LINGO2: variants seen among roughly 807,000 people sequenced by gnomAD.
LINGO2 encodes leucine rich repeat and Ig domain containing 2.
A neutral mutation model predicts 30.6 loss-of-function variants in LINGO2; 14 were observed. The observed-to-expected ratio is 0.46, with a 90% CI of 0.30 to 0.72. The LOEUF is 0.72. LINGO2 is among the 30% of genes least tolerant of loss of function. The pLI is 0.07. For missense variants in LINGO2, 729 were observed against 751.7 expected (o/e 0.97, Z 0.35); for synonymous variants, 317 against 288.5 (o/e 1.10, Z -1.00).
chr9:29,144,950 C>T, the LINGO2 span, among the ~76,000 whole-genome samples: 1 of 152,012 alleles, frequency 6.6e-6, no homozygotes, highest in Non-Finnish European at 1.5e-5. Context: ...TAAAAGAAGG[C>T]TTACCAAGTT....
intron 4 of LINGO2, among the ~76,000 whole-genome samples, chr9:28,210,005 C>G (rs1564046079): frequency 6.6e-6 from 1 of 151,716 alleles, no homozygotes; most frequent in African/African-American, 2.4e-5. Context: ...AATTAACATG[C>G]CCTAAAGCCA....
chr9:29,103,222 T>C, the LINGO2 span, among the ~76,000 whole-genome samples: 1 of 152,092 alleles, frequency 6.6e-6, no homozygotes, highest in Non-Finnish European at 1.5e-5. Context: ...AGAATTAGCT[T>C]ATAACTAACC....
the LINGO2 span, among the ~76,000 whole-genome samples, chr9:28,783,839 G>A: frequency 6.6e-6 from 1 of 152,160 alleles, no homozygotes; most frequent in African/African-American, 2.4e-5. Context: ...CACAGTTCAA[G>A]ATCAAGACAG....
chr9:28,641,263 C>G (rs746320366), intron 1 of LINGO2, among the ~76,000 whole-genome samples: 2 of 152,124 alleles, frequency 1.3e-5, no homozygotes, highest in South Asian at 4.1e-4. Context: ...GTCTCGATCT[C>G]CTGACCTCAT....
chr9:29,156,450 A>T, the LINGO2 span, among the ~76,000 whole-genome samples: 1 of 152,106 alleles, frequency 6.6e-6, no homozygotes, highest in Admixed American at 6.5e-5. Context: ...ATAAGATAAA[A>T]CAAATGGTTT....
At chr9:28,208,158 T>C (rs1042031247) in intron 4 of LINGO2, among the ~76,000 whole-genome samples, 1 of 152,126 alleles carries the variant, frequency 6.6e-6, no homozygotes, top group African/African-American at 2.4e-5. Context: ...ATTTTATAAA[T>C]ATATAATTGT....
At chr9:28,776,830 C>CTT in the LINGO2 span, among the ~76,000 whole-genome samples, 2 of 144,692 alleles carry the variant, frequency 1.4e-5, no homozygotes, top group Admixed American at 1.4e-4. Context: ...ACAGCTGCCT[C>CTT]TTTTTTTTTT....
At chr9:28,314,893 G>A (rs1369772074) in intron 3 of LINGO2, among the ~76,000 whole-genome samples, 3 of 149,184 alleles carry the variant, frequency 2.0e-5, no homozygotes, top group Admixed American at 6.7e-5. Flanking sequence ...GCTGAGGCAG[G>A]AGAATGGCGT....
the LINGO2 span, among the ~76,000 whole-genome samples, chr9:28,868,487 G>A: frequency 1.6e-3 from 240 of 152,126 alleles, no homozygotes; most frequent in Admixed American, 3.0e-3. Flanking sequence ...GATGCCTTTC[G>A]AAAGTGGCAT....
the LINGO2 span, among the ~76,000 whole-genome samples, chr9:29,068,768 C>A: frequency 1.6e-3 from 236 of 151,944 alleles, no homozygotes; most frequent in African/African-American, 5.5e-3. Flanking sequence ...ATTACATGGA[C>A]AGATGTTAAA....
At chr9:28,817,798 CAG>C in the LINGO2 span, among the ~76,000 whole-genome samples, 1 of 152,124 alleles carries the variant, frequency 6.6e-6, no homozygotes, top group East Asian at 1.9e-4. Flanking sequence ...AGCCTTATGC[CAG>C]ACATAATGAG....
chr9:28,396,521 G>A (rs1297153138), intron 2 of LINGO2, among the ~76,000 whole-genome samples: 1 of 151,736 alleles, frequency 6.6e-6, no homozygotes, highest in Non-Finnish European at 1.5e-5. Context: ...AGGCTAACGT[G>A]GTGAAACCCC....
chr9:28,524,354 G>A (rs1820935355), intron 1 of LINGO2, among the ~76,000 whole-genome samples: 3 of 152,112 alleles, frequency 2.0e-5, no homozygotes, highest in Non-Finnish European at 4.4e-5. Context: ...ACTTAATTAG[G>A]CAAATGTTTC....
chr9:29,080,611 T>C, the LINGO2 span, among the ~76,000 whole-genome samples: 2 of 152,150 alleles, frequency 1.3e-5, no homozygotes, highest in African/African-American at 2.4e-5. Flanking sequence ...AAACATTGCT[T>C]TGAATGTGTC....
chr9:28,762,190 T>G, the LINGO2 span, among the ~76,000 whole-genome samples: 1 of 152,088 alleles, frequency 6.6e-6, no homozygotes, highest in African/African-American at 2.4e-5. Flanking sequence ...ACATAGTTTT[T>G]AATACCTATT....
At chr9:28,752,559 T>G in the LINGO2 span, among the ~76,000 whole-genome samples, 1 of 152,210 alleles carries the variant, frequency 6.6e-6, no homozygotes, top group African/African-American at 2.4e-5. Context: ...ATCAAAACTC[T>G]GTGAAATACT....
intron 1 of LINGO2, among the ~76,000 whole-genome samples, chr9:28,515,938 C>T (rs1315000913): frequency 9.2e-5 from 14 of 152,156 alleles, no homozygotes; most frequent in Non-Finnish European, 1.6e-4. Context: ...AAGAAATTGC[C>T]GCAGCCACCC....
chr9:28,945,655 C>T, the LINGO2 span, among the ~76,000 whole-genome samples: 2 of 152,088 alleles, frequency 1.3e-5, no homozygotes, highest in African/African-American at 4.8e-5. Context: ...CTCAACCTAT[C>T]GTACTGAAGC....
At chr9:28,929,453 T>C in the LINGO2 span, among the ~76,000 whole-genome samples, 2 of 152,148 alleles carry the variant, frequency 1.3e-5, no homozygotes, top group African/African-American at 4.8e-5. Flanking sequence ...GGAGGAGGGT[T>C]CCATATCCTC....
Sources: allele counts gnomAD v4.1 joint callset (sites outside exome capture counted in the v4.1 genomes callset), GRCh38; gene constraint gnomAD v4.1.1; transcripts MANE v1.5; gene names NCBI Gene and HGNC (gene_info 2026-07-23, HGNC 2026-07-21).